Variants in NAV3 observed in about 807,000 individuals in gnomAD.
NAV3 encodes the protein pore membrane and/or filament interacting like protein 1.
Under a neutral mutation model 244.7 loss-of-function variants are expected in NAV3, and 87 were observed. That is an observed-to-expected ratio of 0.36 (90% CI 0.30 to 0.42). NAV3 has a LOEUF of 0.42. NAV3 is among the 20% of genes least tolerant of loss of function. NAV3 has a pLI of 1.00. For synonymous variants in NAV3, 1,126 were observed against 1,042.2 expected (o/e 1.08, Z -1.55); for missense variants, 2,663 against 2,893.3 (o/e 0.92, Z 1.83).
intron 2 of NAV3, among the ~76,000 whole-genome samples, chr12:77,733,925 A>G (rs907264718): frequency 2.0e-5 from 3 of 150,462 alleles, no homozygotes; most frequent in African/African-American, 4.9e-5. Flanking sequence ...AGTAAACTCA[A>G]TTGGTGGAGA....
chr12:77,648,174 A>T (rs1872681262), intron 2 of NAV3, among the ~76,000 whole-genome samples: 1 of 152,146 alleles, frequency 6.6e-6, no homozygotes. Flanking sequence ...CGTTTCAAAA[A>T]AATTTCTTTA....
chr12:77,949,170 A>G (rs1890643746), intron 3 of NAV3, among the ~76,000 whole-genome samples: 1 of 152,048 alleles, frequency 6.6e-6, no homozygotes, highest in African/African-American at 2.4e-5. Context: ...CTGGGAAATC[A>G]TTACATAAAA....
chr12:78,204,779 T>G (rs576250690), intron 38 of NAV3, among the ~76,000 whole-genome samples, 156 bp from the exon 39 acceptor site: 36 of 152,314 alleles, frequency 2.4e-4, no homozygotes, highest in African/African-American at 8.7e-4. Context: ...GACAGATACA[T>G]GTTTTAAATC....
At chr12:78,046,508 C>G (rs1025105838) in intron 9 of NAV3, among the ~76,000 whole-genome samples, 2 of 152,160 alleles carry the variant, frequency 1.3e-5, no homozygotes, top group Admixed American at 1.3e-4. Context: ...CATTCAGGAG[C>G]AGGTTGTTCA....
At chr12:77,766,749 T>TTTTTTTTTTTTTTG in intron 2 of NAV3, among the ~76,000 whole-genome samples, 2 of 30,640 alleles carry the variant, frequency 6.5e-5, no homozygotes, top group South Asian at 2.2e-3. Context: ...TTTTTTTTTT[T>TTTTTTTTTTTTTTG]TTTTTTTTTT....
At chr12:78,005,662 G>A (rs997729549) in intron 7 of NAV3, among the ~76,000 whole-genome samples, 19 of 152,170 alleles carry the variant, frequency 1.2e-4, no homozygotes, top group African/African-American at 4.3e-4. Flanking sequence ...TTGGGCTGTA[G>A]AGTGACAAGA....
At chr12:77,905,693 C>G (rs572484391) in intron 1 of NAV3, among the ~76,000 whole-genome samples, 1 of 152,056 alleles carries the variant, frequency 6.6e-6, no homozygotes, top group African/African-American at 2.4e-5. Flanking sequence ...ACAATACAAC[C>G]CACAATCCAG....
intron 2 of NAV3, among the ~76,000 whole-genome samples, chr12:77,823,449 GAA>G (rs1465767265): frequency 6.6e-6 from 1 of 152,162 alleles, no homozygotes; most frequent in East Asian, 1.9e-4. Flanking sequence ...AGAAGTATGA[GAA>G]ATAATTGCTA....
chr12:78,198,612 A>G lies in NAV3; in HGVS notation c.6454A>G (p.Ile2152Val), dbSNP rs149369114. ...LNCKYNKCPY[I>V]IGTMNQGVSS... ...CTATTTATTTTTTTCTAGTCCATATATTATTGGAACAATGAATCAGGGAGT... is the reference window on the plus strand; with the variant it reads ...CTATTTATTTTTTTCTAGTCCATATGTTATTGGAACAATGAATCAGGGAGT... The change falls in exon 36 of 40, where the codon ATT becomes GTT. Residue 2152 changes from isoleucine to valine, a missense_variant. By Grantham distance (29) the Ile-to-Val change is conservative. Transcript: ENST00000397909. 165 of 1,579,294 alleles carry G rather than the reference A, an allele frequency of 1.0e-4. No individual in the cohort carries two copies. In the Admixed American group the frequency reaches 2.8e-3, roughly 27 times the overall value.
intron 16 of NAV3, among the ~76,000 whole-genome samples, chr12:78,125,134 G>A (rs1955849461): frequency 6.6e-6 from 1 of 152,086 alleles, no homozygotes; most frequent in Non-Finnish European, 1.5e-5. Flanking sequence ...GCTTCATTAT[G>A]GTTAATTAAT....
chr12:77,837,766 G>T (rs1432613458), intron 1 of NAV3, among the ~76,000 whole-genome samples: 1 of 152,212 alleles, frequency 6.6e-6, no homozygotes, highest in Non-Finnish European at 1.5e-5. Context: ...AATTAGCATT[G>T]TTGGTGAATT....
At chr12:77,896,862 C>T (rs1432440021) in intron 1 of NAV3, among the ~76,000 whole-genome samples, 1 of 152,134 alleles carries the variant, frequency 6.6e-6, no homozygotes. Context: ...AGACTTTAAA[C>T]TGTCTGGGCC....
At chr12:77,775,057 T>G (rs1164104126) in intron 2 of NAV3, among the ~76,000 whole-genome samples, 3 of 152,152 alleles carry the variant, frequency 2.0e-5, no homozygotes, top group Non-Finnish European at 4.4e-5. Flanking sequence ...CCATTTTATA[T>G]CAGGAGCTAG....
At chr12:77,844,703 A>G (rs539984813) in intron 1 of NAV3, among the ~76,000 whole-genome samples, 25 of 152,182 alleles carry the variant, frequency 1.6e-4, no homozygotes, top group African/African-American at 5.8e-4. Flanking sequence ...GGCAGAAAGA[A>G]TATAGTCATA....
rs74107803 is a variant in NAV3 at position 77,702,098 on chromosome 12, C to A, written c.72+129832C>A. Reference sequence around the variant, plus strand: ...TAATTGTGAAGTTATTAATGTTTCCCTTTATTTATCAGATTTTGCTTTGTG... The same window carrying A: ...TAATTGTGAAGTTATTAATGTTTCCATTTATTTATCAGATTTTGCTTTGTG... On this transcript the variant is annotated intron_variant, in intron 2 of 8. Coordinates refer to the NAV3 transcript ENST00000550042. Among the ~76,000 whole-genome samples, 164 of 151,842 alleles carry A rather than the reference C, an allele frequency of 1.1e-3. 1 individual carries two copies. The highest frequency in any genetic ancestry group is 3.5e-3 in the African/African-American group (146 of 41,476).
At chr12:78,062,749 C>T (rs573689743) in intron 12 of NAV3, among the ~76,000 whole-genome samples, 1 of 152,234 alleles carries the variant, frequency 6.6e-6, no homozygotes, top group South Asian at 2.1e-4. Context: ...AGGTCTTTTA[C>T]TTCCTATTTT....
At chr12:78,120,090 A>G (rs1955607053) in intron 15 of NAV3, 145 bp downstream of exon 15, 1 of 442,898 alleles carries the variant, frequency 2.3e-6, no homozygotes, top group African/African-American at 2.1e-5. Flanking sequence ...GTACACAGTG[A>G]GCTCTATGAA....
chr12:77,913,083 A>C (rs1212769724), intron 1 of NAV3, among the ~76,000 whole-genome samples: 1 of 152,086 alleles, frequency 6.6e-6, no homozygotes, highest in Non-Finnish European at 1.5e-5. Flanking sequence ...ACATGAAAAA[A>C]ATGCATGGTG....
intron 2 of NAV3, among the ~76,000 whole-genome samples, chr12:77,573,732 G>C (rs1868943394): frequency 6.6e-6 from 1 of 152,040 alleles, no homozygotes; most frequent in African/African-American, 2.4e-5. Flanking sequence ...ATATTGGGTG[G>C]GTAAAGAGGG....
Sources: gnomAD v4.1 joint callset for allele counts (sites outside exome capture counted in the v4.1 genomes callset) on GRCh38, gnomAD v4.1.1 for gene constraint, MANE v1.5 for transcripts, NCBI Gene and HGNC (gene_info 2026-07-23, HGNC 2026-07-21) for gene names.